Variants in TOP6BL observed in about 807,000 individuals in gnomAD.
TOP6BL encodes the protein type 2 DNA topoisomerase 6 subunit B-like.
At chr11:66,784,916 ATTTCT>A in the TOP6BL span, among the ~76,000 whole-genome samples, 2 of 132,684 alleles carry the variant, frequency 1.5e-5, no homozygotes, top group East Asian at 2.3e-4. Flanking sequence ...TGTATCTTTA[ATTTCT>A]TTTCTTTTTT....
chr11:66,787,482 G>T, the TOP6BL span, among the ~76,000 whole-genome samples: 1 of 149,290 alleles, frequency 6.7e-6, no homozygotes, highest in Admixed American at 6.8e-5. Context: ...GAGGCAGGCG[G>T]ATCACCTAAG....
At chr11:66,745,097 G>C in the TOP6BL span, among the ~76,000 whole-genome samples, 1 of 152,110 alleles carries the variant, frequency 6.6e-6, no homozygotes, top group Non-Finnish European at 1.5e-5. Context: ...GAGGGCTCTC[G>C]CTCGCGGGGT....
the TOP6BL span, among the ~76,000 whole-genome samples, chr11:66,794,112 TAAAAAA>T: frequency 2.7e-5 from 3 of 110,522 alleles, no homozygotes; most frequent in South Asian, 8.8e-4. Flanking sequence ...ACCCTGTTTC[TAAAAAA>T]AAAAAAAAAA....
the TOP6BL span, among the ~76,000 whole-genome samples, chr11:66,821,234 A>G: frequency 6.6e-6 from 1 of 152,112 alleles, no homozygotes; most frequent in Non-Finnish European, 1.5e-5. Context: ...GATTTAAAAG[A>G]AATTCATCAG....
chr11:66,804,763 C>T, the TOP6BL span, among the ~76,000 whole-genome samples: 3 of 152,042 alleles, frequency 2.0e-5, no homozygotes, highest in Admixed American at 2.0e-4. Flanking sequence ...TATGGTGAAA[C>T]CCTGTCTACT....
At chr11:66,813,747 A>T in the TOP6BL span, 2 of 914,954 alleles carry the variant, frequency 2.2e-6, no homozygotes, top group Non-Finnish European at 1.6e-6. Flanking sequence ...AAAAAAAAAA[A>T]GTAACTGCAT....
the TOP6BL span, chr11:66,822,728 G>A: frequency 3.1e-6 from 4 of 1,270,558 alleles, no homozygotes; most frequent in African/African-American, 3.0e-5. Context: ...TTTTGGCTGG[G>A]TACGGTGGCT....
chr11:66,783,452 AT>A, the TOP6BL span, among the ~76,000 whole-genome samples: 1 of 152,228 alleles, frequency 6.6e-6, no homozygotes, highest in Non-Finnish European at 1.5e-5. Flanking sequence ...ATCTTTGAAG[AT>A]AGTACTGGAT....
the TOP6BL span, chr11:66,800,819 A>G: frequency 2.1e-6 from 2 of 964,732 alleles, no homozygotes; most frequent in Non-Finnish European, 3.1e-6. Context: ...CTTGAAACTA[A>G]TTTTCTGACA....
the TOP6BL span, chr11:66,843,414 C>A: frequency 2.1e-6 from 3 of 1,409,122 alleles, no homozygotes; most frequent in Non-Finnish European, 2.7e-6. Flanking sequence ...CCCACACCTC[C>A]CTGGGACTGC....
the TOP6BL span, among the ~76,000 whole-genome samples, chr11:66,790,662 T>C: frequency 6.6e-6 from 1 of 152,220 alleles, no homozygotes; most frequent in South Asian, 2.1e-4. Flanking sequence ...CACCTTGGTG[T>C]ACATCTTTTC....
the TOP6BL span, among the ~76,000 whole-genome samples, chr11:66,832,401 ACT>A: frequency 1.3e-5 from 2 of 152,156 alleles, no homozygotes; most frequent in Admixed American, 6.5e-5. Context: ...CGCTATGGAC[ACT>A]GTTTCTGAGA....
the TOP6BL span, among the ~76,000 whole-genome samples, chr11:66,820,379 GAAAAC>G: frequency 6.6e-6 from 1 of 152,284 alleles, no homozygotes; most frequent in Non-Finnish European, 1.5e-5. Flanking sequence ...TCTGAACACT[GAAAAC>G]AAAGAATAAT....
At chr11:66,756,209 A>C in the TOP6BL span, 1 of 836,368 alleles carries the variant, frequency 1.2e-6, no homozygotes, top group Non-Finnish European at 1.4e-6. Context: ...TAGTCATTTA[A>C]ATTTGGGAAA....
the TOP6BL span, among the ~76,000 whole-genome samples, chr11:66,818,441 T>C: frequency 6.6e-6 from 1 of 152,022 alleles, no homozygotes; most frequent in Admixed American, 6.6e-5. Context: ...GAATGGAAAA[T>C]AGAAGATACC....
the TOP6BL span, among the ~76,000 whole-genome samples, chr11:66,810,537 C>T: frequency 2.6e-5 from 4 of 152,030 alleles, no homozygotes; most frequent in East Asian, 1.9e-4. Flanking sequence ...AAAGGGGAAA[C>T]GCAGGCTGGA....
chr11:66,774,628 G>GT, the TOP6BL span, among the ~76,000 whole-genome samples: 9 of 151,442 alleles, frequency 5.9e-5, no homozygotes, highest in South Asian at 2.1e-4. Context: ...TAATTTTTTT[G>GT]TTTTTTTGTT....
the TOP6BL span, among the ~76,000 whole-genome samples, chr11:66,809,903 G>A: frequency 6.6e-6 from 1 of 151,692 alleles, no homozygotes; most frequent in African/African-American, 2.4e-5. Flanking sequence ...GTAGAGACAG[G>A]GTCTCACCCC....
the TOP6BL span, among the ~76,000 whole-genome samples, chr11:66,801,784 C>T: frequency 1.3e-5 from 2 of 151,796 alleles, no homozygotes; most frequent in East Asian, 1.9e-4. Context: ...TGCAGTGAGC[C>T]GAGATCACGC....
Sources: allele counts gnomAD v4.1 joint callset (sites outside exome capture counted in the v4.1 genomes callset), GRCh38; gene constraint gnomAD v4.1.1; transcripts MANE v1.5; gene names NCBI Gene and HGNC (gene_info 2026-07-23, HGNC 2026-07-21).